Variants in PDZRN3 observed in about 807,000 individuals in gnomAD.
PDZRN3 encodes E3 ubiquitin-protein ligase PDZRN3.
PDZRN3 carries 38 observed loss-of-function variants against 85.7 expected under a neutral mutation model. The observed-to-expected ratio is 0.44, with a 90% confidence interval of 0.34 to 0.58. PDZRN3 has a LOEUF of 0.58. Ranked by LOEUF, PDZRN3 falls within the 20% of genes least tolerant of loss-of-function variation. The pLI, the probability that PDZRN3 is intolerant of heterozygous loss-of-function variation, is 0.01. For synonymous variants in PDZRN3, 759 were observed against 638.0 expected, an observed-to-expected ratio of 1.19 and a Z score of -2.86; for missense variants, 1,629 against 1,506.4, an observed-to-expected ratio of 1.08 and a Z score of -1.35.
At position 73,383,730 on chromosome 3, in the gene PDZRN3, G is replaced by A; in HGVS notation, c.2836C>T (p.Arg946Cys). The stretch of plus-strand genomic sequence containing the variant: ...CGCTCTTCCCGGATCTTCAGGGCGC[G>A]CTCCCGCAGCAGGCGGTCCCGCACG... ...RPVRDRLLRE[R>C]ALKIREERSG... is the part of the protein sequence containing the mutation. Residue 946 changes from arginine (R) to cysteine (C), a missense_variant, in exon 10 of 10, where the codon CGC becomes TGC. Transcript: ENST00000263666. 6.2e-7 allele frequency: 1 copy of A among 1,611,700 alleles called. No individual in the cohort carries two copies. Among genetic ancestry groups the A allele is most frequent in the Non-Finnish European group, 8.5e-7 (1 of 1,179,978 alleles).
chr3:73,520,700 A>T (rs554514400), intron 3 of PDZRN3, among the ~76,000 whole-genome samples: 1 of 152,250 alleles, frequency 6.6e-6, no homozygotes, highest in Non-Finnish European at 1.5e-5. Flanking sequence ...GTACACACAC[A>T]AGCACACACA....
At chr3:73,482,987 G>A (rs185711524) in intron 3 of PDZRN3, among the ~76,000 whole-genome samples, 20 of 152,264 alleles carry the variant, frequency 1.3e-4, no homozygotes, top group African/African-American at 3.1e-4. Context: ...TTATTTTACC[G>A]TAAATTAAAC....
At chr3:73,598,934 T>C (rs937209456) in intron 3 of PDZRN3, among the ~76,000 whole-genome samples, 2 of 152,172 alleles carry the variant, frequency 1.3e-5, no homozygotes, top group African/African-American at 4.8e-5. Context: ...TTTTTCACCA[T>C]CACAACAATA....
chr3:73,492,109 C>T (rs1703781819), intron 3 of PDZRN3, among the ~76,000 whole-genome samples: 1 of 152,186 alleles, frequency 6.6e-6, no homozygotes, highest in South Asian at 2.1e-4. Context: ...ACTAGTGCTT[C>T]TCATATTCTC....
At chr3:73,601,696 G>C (rs552053019) in intron 3 of PDZRN3, among the ~76,000 whole-genome samples, 65 of 152,078 alleles carry the variant, frequency 4.3e-4, no homozygotes, top group Non-Finnish European at 8.5e-4. Context: ...CTGCAACCCT[G>C]TTACAAAGTG....
intron 3 of PDZRN3, among the ~76,000 whole-genome samples, chr3:73,558,293 T>C (rs1212075539): frequency 6.6e-6 from 1 of 151,752 alleles, no homozygotes; most frequent in Non-Finnish European, 1.5e-5. Context: ...AAGTACTAAA[T>C]ATGAATCTTA....
chr3:73,431,849 CGT>C lies in PDZRN3; in HGVS notation c.919-27456_919-27455del, dbSNP rs762249826. ...CCAGGCTCCCTCTTTTGGGGGCAGT[CGT>C]GTGTGTGTGTTTGGGGGTGGGGCTG... On this transcript the variant is annotated intron_variant, in intron 3 of 9. Coordinates refer to ENST00000263666, the MANE Select transcript of PDZRN3 (RefSeq NM_015009.3). Among the ~76,000 whole-genome samples, 4 of 149,674 alleles carry C rather than the reference CGT, an allele frequency of 2.7e-5. No individual in the cohort carries two copies. In the East Asian group the frequency reaches 5.9e-4, roughly 22 times the overall value.
intron 5 of PDZRN3, among the ~76,000 whole-genome samples, chr3:73,400,695 T>G (rs1282062738): frequency 2.6e-5 from 4 of 152,198 alleles, no homozygotes; most frequent in Non-Finnish European, 5.9e-5. Flanking sequence ...GTGATTCAAA[T>G]TAAAAAAAGT....
At chr3:73,612,056 C>G (rs544897319) in intron 1 of PDZRN3, among the ~76,000 whole-genome samples, 14 of 152,240 alleles carry the variant, frequency 9.2e-5, no homozygotes, top group African/African-American at 3.1e-4. Flanking sequence ...GAAAATTTAA[C>G]CAATATTGGT....
In PDZRN3 at chr3:73,596,530, A is replaced by G. The variant is rs112564454; in HGVS notation, c.918+5824T>C. On this transcript the variant is annotated intron_variant, in intron 3 of 9. Coordinates refer to ENST00000263666, the MANE Select transcript of PDZRN3 (RefSeq NM_015009.3). Reference sequence around the variant, plus strand: ...CTTTAACCAAGTGGTTCAAGTTAACATAAAGGGACAACTTCACCTCATGTG... The same window carrying G: ...CTTTAACCAAGTGGTTCAAGTTAACGTAAAGGGACAACTTCACCTCATGTG... Among the ~76,000 whole-genome samples the G allele has an allele frequency of 8.0e-3, 1,216 of 152,354 alleles. 8 individuals carry two copies. Among genetic ancestry groups the G allele is most frequent in the Non-Finnish European group, 0.014 (931 of 68,022 alleles).
intron 3 of PDZRN3, among the ~76,000 whole-genome samples, chr3:73,567,904 G>A (rs537921409): frequency 1.3e-5 from 2 of 152,270 alleles, no homozygotes; most frequent in South Asian, 4.1e-4. Context: ...GCTGGAGACA[G>A]ACTAATCAAT....
At chr3:73,442,422 G>C (rs1324136511) in intron 3 of PDZRN3, among the ~76,000 whole-genome samples, 1 of 152,208 alleles carries the variant, frequency 6.6e-6, no homozygotes, top group African/African-American at 2.4e-5. Context: ...ATAGGATGAA[G>C]AAAGGGGAGA....
At chr3:73,488,103 A>G (rs1270447698) in intron 3 of PDZRN3, among the ~76,000 whole-genome samples, 1 of 152,166 alleles carries the variant, frequency 6.6e-6, no homozygotes, top group Non-Finnish European at 1.5e-5. Context: ...ATTAACTGCC[A>G]CAACAGGTGC....
At chr3:73,585,210 T>C (rs1188363873) in intron 3 of PDZRN3, among the ~76,000 whole-genome samples, 4 of 152,214 alleles carry the variant, frequency 2.6e-5, no homozygotes, top group Non-Finnish European at 4.4e-5. Context: ...TAAAGTTTCT[T>C]AGCAAATGAT....
intron 3 of PDZRN3, among the ~76,000 whole-genome samples, chr3:73,546,163 A>G (rs774091098): frequency 9.2e-5 from 14 of 152,198 alleles, no homozygotes; most frequent in Non-Finnish European, 1.9e-4. Context: ...CAATGAATGA[A>G]TAACTCTGGG....
intron 3 of PDZRN3, among the ~76,000 whole-genome samples, chr3:73,568,980 T>G (rs1421451835): frequency 2.0e-5 from 3 of 152,218 alleles, no homozygotes; most frequent in African/African-American, 7.2e-5. Context: ...GCTGAAATTG[T>G]TGTTCTGCCC....
At chr3:73,406,731 A>C (rs937381493) in intron 3 of PDZRN3, among the ~76,000 whole-genome samples, 3 of 152,228 alleles carry the variant, frequency 2.0e-5, no homozygotes, top group Admixed American at 6.5e-5. Flanking sequence ...TTTGCCAAAA[A>C]GGAATAAGAA....
intron 3 of PDZRN3, among the ~76,000 whole-genome samples, chr3:73,573,350 G>A (rs1229475216): frequency 2.6e-5 from 4 of 152,158 alleles, no homozygotes; most frequent in African/African-American, 9.7e-5. Context: ...GCAAAGTGAG[G>A]GGCAAAGTGT....
intron 3 of PDZRN3, among the ~76,000 whole-genome samples, chr3:73,416,891 T>TGG (rs1702099910): frequency 2.9e-5 from 4 of 139,158 alleles, no homozygotes; most frequent in African/African-American, 1.1e-4. Flanking sequence ...TTTTTTTTTT[T>TGG]TTTTTTTTTT....
Sources: gnomAD v4.1 joint callset for allele counts (sites outside exome capture counted in the v4.1 genomes callset) on GRCh38, gnomAD v4.1.1 for gene constraint, MANE v1.5 for transcripts, NCBI Gene and HGNC (gene_info 2026-07-23, HGNC 2026-07-21) for gene names.